Variants in USP42 observed in about 807,000 individuals in gnomAD.
USP42 encodes ubiquitin specific peptidase 42.
USP42 carries 23 observed loss-of-function variants against 113.0 expected under a neutral mutation model. The observed-to-expected ratio is 0.20, with a 90% CI of 0.15 to 0.29. USP42 has a LOEUF of 0.29. Among genes scored for constraint, USP42 ranks in the 10% least tolerant of loss-of-function variants. The probability of loss-of-function intolerance (pLI) is 1.00; values close to 1 mark genes in which losing one functional copy is unlikely to be tolerated. For missense variants in USP42, 2,174 were observed against 1,779.8 expected (o/e 1.22, Z -3.99); for synonymous variants, 933 against 699.0 (o/e 1.33, Z -5.28).
chr7:6,151,593 C>A (rs1782053601), intron 14 of USP42, among the ~76,000 whole-genome samples: 1 of 151,348 alleles, frequency 6.6e-6, no homozygotes, highest in Non-Finnish European at 1.5e-5. Context: ...ATGCGCCACC[C>A]CACCCAGCTA....
chr7:6,092,049 TCTTCTTTC>T, the USP42 span, among the ~76,000 whole-genome samples: 10 of 87,526 alleles, frequency 1.1e-4, no homozygotes, highest in Non-Finnish European at 1.8e-4. Context: ...TTCTTCTTCT[TCTTCTTTC>T]TTCTTCTTCT....
chr7:6,128,971 C>T lies in USP42; in HGVS notation c.443-6870C>T, dbSNP rs117579471. 1.4e-4 allele frequency among the ~76,000 whole-genome samples: 21 copies of T among 152,172 alleles called. No homozygotes were observed. The East Asian group carries it at 2.7e-3, about 20-fold the overall frequency. ...AAGTGGCTTGGACTACAGCTGTGCG[C>T]GACCATGCCTGGCTAATTTTTGTAG... On this transcript the variant is annotated intron_variant, in intron 3 of 17. Transcript: ENST00000306177.
intron 12 of USP42, among the ~76,000 whole-genome samples, chr7:6,148,464 C>T (rs1338574592): frequency 6.6e-6 from 1 of 152,220 alleles, no homozygotes; most frequent in African/African-American, 2.4e-5. Context: ...CCATTCTTCT[C>T]AAAGGGTTAA....
intron 4 of USP42, among the ~76,000 whole-genome samples, chr7:6,136,801 G>T (rs188300263): frequency 2.0e-5 from 3 of 151,242 alleles, no homozygotes; most frequent in African/African-American, 7.3e-5. Context: ...CTCTTTTTTC[G>T]GTTCTTCTTT....
In USP42 at chr7:6,147,902, C is replaced by A. The variant is rs755567239; in HGVS notation, c.1386+10C>A. ...CTCTCACATGATAAAGGTAACAGTCCTTAGGGAGAAGAACATTTTTATGTT... is the reference window on the plus strand; with the variant it reads ...CTCTCACATGATAAAGGTAACAGTCATTAGGGAGAAGAACATTTTTATGTT... On this transcript the variant is annotated intron_variant, in intron 12 of 17. Transcript: ENST00000306177. 1 of 1,573,300 alleles carries A rather than the reference C, an allele frequency of 6.4e-7. No individual in the cohort carries two copies. Among genetic ancestry groups the A allele is most frequent in the Non-Finnish European group, 8.7e-7 (1 of 1,155,816 alleles).
chr7:6,094,084 A>G, the USP42 span, among the ~76,000 whole-genome samples: 1 of 150,738 alleles, frequency 6.6e-6, no homozygotes, highest in Non-Finnish European at 1.5e-5. Context: ...GGGTTTCACC[A>G]TGTTGGTCAG....
Position 6,159,307 on chromosome 7 carries a change from C to A in USP42, c.3944-143C>A. 1.9e-6 allele frequency: 2 copies of A among 1,030,506 alleles called. No homozygotes were observed. The highest frequency in any genetic ancestry group is 2.9e-6 in the Non-Finnish European group (2 of 683,146). The allele number at this position is 1,030,506 out of a possible 1,614,324, so 63.8% of individuals were successfully genotyped here. On this transcript the variant is annotated intron_variant, in intron 16 of 17. Transcript: ENST00000306177. This position sits in a 1 kb window ranked among gnomAD's most constrained non-coding sequence, Gnocchi z 4.1. ...GCCGCTGAGCGCTGGGACATCCCTG[C>A]TCACCTCACTGGGGAGTGGCCTCAG...
chr7:6,137,901 G>C (rs1017493128), intron 4 of USP42, among the ~76,000 whole-genome samples: 1 of 152,082 alleles, frequency 6.6e-6, no homozygotes, highest in Admixed American at 6.5e-5. Flanking sequence ...GGATGGCCTC[G>C]ATATCCTGAC....
At chr7:6,117,385 C>G (rs757741359) in intron 3 of USP42, among the ~76,000 whole-genome samples, 1 of 152,158 alleles carries the variant, frequency 6.6e-6, no homozygotes, top group African/African-American at 2.4e-5. Context: ...ATCACTTGAT[C>G]GTATTGTTGA....
In USP42 at chr7:6,159,437, C is replaced by CT. The variant is rs1782648199; in HGVS notation, c.3944-10dup. The CT allele has an allele frequency of 1.2e-6, 2 of 1,613,856 alleles. No homozygotes were observed. The highest frequency in any genetic ancestry group is 1.7e-6 in the Non-Finnish European group (2 of 1,179,884). On this transcript the variant is annotated splice_polypyrimidine_tract_variant and intron_variant, in intron 16 of 17. Transcript: ENST00000306177. This position sits in a 1 kb window ranked among gnomAD's most constrained non-coding sequence, Gnocchi z 4.1. The stretch of plus-strand genomic sequence containing the variant: ...CCATCATTAAAATCTCTTTCCTGAC[C>CT]TTTGCTTTCTAGGTGATTGAAAACT...
rs369653181 is a variant in USP42, at chr7:6,147,807, G to A, written c.1301G>A (p.Arg434His). The change falls in exon 12 of 18, where the codon CGC (arginine) becomes CAC (histidine). Residue 434 changes from arginine to histidine, a missense_variant. Arg to His is a conservative substitution (Grantham distance 29). Coordinates refer to ENST00000306177, the MANE Select transcript of USP42 (RefSeq NM_032172.3). ...PTHSPGQSSP[R>H]PVISQRVVTN... ...CATAGCCCCGGCCAGTCCTCTCCCC[G>A]CCCCGTCATCAGTCAGCGGGTTGTC... 3.5e-5 allele frequency: 56 copies of A among 1,613,296 alleles called. No individual in the cohort carries two copies. The highest frequency in any genetic ancestry group is 1.6e-4 in the Middle Eastern group (1 of 6,062).
Position 6,154,092 on chromosome 7 carries a change from G to T in USP42, c.2538G>T (p.Ser846=). The change falls in exon 15 of 18, where the codon TCG becomes TCT. Residue 846 remains serine, a synonymous_variant. Transcript: ENST00000306177. ...KGMIAEGPRD[S]ALAEAPEGLS... ...TGATCGCGGAGGGCCCGCGGGACTC[G>T]GCGTTGGCGGAAGCCCCGGAAGGGT... 6.2e-7 allele frequency: 1 copy of T among 1,605,136 alleles called. No individual in the cohort carries two copies. The highest frequency in any genetic ancestry group is 1.1e-5 in the South Asian group (1 of 90,958).
upstream of USP42, among the ~76,000 whole-genome samples, chr7:6,102,052 C>T (rs763621598): frequency 2.0e-5 from 3 of 149,980 alleles, no homozygotes; most frequent in Non-Finnish European, 4.4e-5. Context: ...GGTGACATTC[C>T]ACCTTAATTC....
In USP42 at chr7:6,157,319, C is replaced by A; in HGVS notation, c.3943+264C>A. The A allele has an allele frequency of 8.8e-7, 1 of 1,141,414 alleles. No homozygotes were observed. Among genetic ancestry groups the A allele is most frequent in the East Asian group, 4.9e-5 (1 of 20,496 alleles). 70.7% of individuals were successfully genotyped at this position (1,141,414 alleles called of 1,614,324 possible). ...TACCTGTGTCACCAAAGCCCTGGAA[C>A]GTACAGCTCTAGGCATCTGACTTTG... On this transcript the variant is annotated intron_variant, in intron 16 of 17. Transcript: ENST00000306177. This position sits in a 1 kb window ranked among gnomAD's most constrained non-coding sequence, Gnocchi z 4.1.
chr7:6,147,834 C>T lies in USP42; in HGVS notation c.1328C>T (p.Thr443Ile), dbSNP rs755482225. The change falls in exon 12 of 18, where the codon ACC becomes ATC. Residue 443 changes from threonine to isoleucine, a missense_variant. Coordinates refer to ENST00000306177, the MANE Select transcript of USP42 (RefSeq NM_032172.3). ...PRPVISQRVV[T>I]NKQAAPGFIG... is the part of the protein sequence containing the mutation. ...CCCGTCATCAGTCAGCGGGTTGTCA[C>T]CAACAAACAGGCTGCGCCAGGCTTT... The T allele has an allele frequency of 1.2e-6, 2 of 1,613,612 alleles. No homozygotes were observed. The highest frequency in any genetic ancestry group is 2.2e-5 in the East Asian group (1 of 44,868).
At chr7:6,096,706 A>T in the USP42 span, among the ~76,000 whole-genome samples, 1 of 151,108 alleles carries the variant, frequency 6.6e-6, no homozygotes, top group Non-Finnish European at 1.5e-5. Context: ...ATCCCTGGAG[A>T]TCCTCCTTGT....
chr7:6,141,342 A>G (rs773949073), intron 7 of USP42, among the ~76,000 whole-genome samples: 2 of 151,236 alleles, frequency 1.3e-5, no homozygotes, highest in Non-Finnish European at 2.9e-5. Flanking sequence ...AGGTGGGACT[A>G]TAGGTGCATG....
chr7:6,091,579 T>A, the USP42 span, among the ~76,000 whole-genome samples: 1 of 150,432 alleles, frequency 6.6e-6, no homozygotes, highest in Non-Finnish European at 1.5e-5. Context: ...TGGGTTTCTA[T>A]TGATTATATT....
the USP42 span, among the ~76,000 whole-genome samples, chr7:6,089,618 C>T: frequency 2.0e-5 from 3 of 148,508 alleles, no homozygotes; most frequent in East Asian, 2.0e-4. Context: ...CTGCAACCTT[C>T]GCCTCCCGGG....
Sources: gnomAD v4.1 joint callset for allele counts (sites outside exome capture counted in the v4.1 genomes callset) on GRCh38, gnomAD v4.1.1 for gene constraint, Gnocchi (gnomAD v3.1) non-coding constraint, MANE v1.5 for transcripts, NCBI Gene and HGNC (gene_info 2026-07-23, HGNC 2026-07-21) for gene names.